The following SDK2 variants were observed in gnomAD, a reference collection of about 807,000 sequenced individuals.
SDK2 encodes the protein protein sidekick-2.
A neutral mutation model predicts 253.9 loss-of-function variants in SDK2; 105 were observed. That is an observed-to-expected ratio of 0.41 (90% CI 0.35 to 0.49). The LOEUF is 0.49. Among genes scored for constraint, SDK2 ranks in the 20% least tolerant of loss-of-function variants. The pLI, the probability that SDK2 is intolerant of heterozygous loss-of-function variation, is 0.06. For synonymous variants in SDK2, 1,249 were observed against 1,234.9 expected (o/e 1.01, Z -0.24); for missense variants, 2,608 against 3,003.0 (o/e 0.87, Z 3.07).
chr17:73,471,486 C>A (rs2063650611), intron 3 of SDK2, among the ~76,000 whole-genome samples: 2 of 152,178 alleles, frequency 1.3e-5, no homozygotes, highest in Admixed American at 1.3e-4. Context: ...GTAATCCCAG[C>A]TACTTGGGAG....
intron 40 of SDK2, chr17:73,357,800 A>G (rs1568364143): frequency 3.7e-6 from 2 of 543,240 alleles, no homozygotes; most frequent in Non-Finnish European, 6.7e-6. Flanking sequence ...CCACGTGCTC[A>G]GGCTTCCGGC....
Position 73,402,093 on chromosome 17 carries a change from C to T in SDK2, c.2533G>A (p.Ala845Thr), listed in dbSNP as rs776130067. Residue 845 changes from alanine (A) to threonine (T), a missense_variant, in exon 19 of 45, where the codon GCC (alanine) becomes ACC (threonine). By Grantham distance (58) the Ala-to-Thr change is moderately conservative (BLOSUM62 0). This residue lies in a region of SDK2 where 1,505 missense variants were observed against 1,859.1 expected (regional missense o/e 0.81). Coordinates refer to ENST00000392650, the MANE Select transcript of SDK2 (RefSeq NM_001144952.2). ...EQEEEVTMVT[A>T]RPNFQDSIHV... ...ATGCTGTCTTGAAAGTTAGGCCGGG[C>T]GGTCACCATGGTAACCTCCTCTTCC... 12 of 1,614,044 alleles carry T rather than the reference C, an allele frequency of 7.4e-6. No homozygotes were observed. The highest frequency in any genetic ancestry group is 5.3e-5 in the African/African-American group (4 of 75,076).
intron 39 of SDK2, among the ~76,000 whole-genome samples, chr17:73,360,657 G>A (rs931465569): frequency 6.6e-6 from 1 of 152,090 alleles, no homozygotes; most frequent in Admixed American, 6.6e-5. Context: ...GACATTTAAA[G>A]GAGGCGATTG....
rs547047673 is a variant in SDK2 at position 73,639,579 on chromosome 17, C to T, written c.64+4446G>A. ...CCAAATTATGATGACTAATTCCCAC[C>T]GCTTTAGGCAGCTCCAGGGCTGTCT... On this transcript the variant is annotated intron_variant, in intron 1 of 44. Transcript: ENST00000392650. The surrounding 1 kb of genome is among the most constrained non-coding windows in gnomAD (Gnocchi z 4.3). Among the ~76,000 whole-genome samples, 7 of 152,254 alleles carry T rather than the reference C, an allele frequency of 4.6e-5. No homozygotes were observed. In the South Asian group the frequency reaches 6.2e-4, roughly 14 times the overall value.
chr17:73,588,533 G>C (rs1361810607), intron 1 of SDK2, among the ~76,000 whole-genome samples: 2 of 151,948 alleles, frequency 1.3e-5, no homozygotes, highest in Non-Finnish European at 2.9e-5. Context: ...AGTGAAGTTT[G>C]AGAACCAGTG....
rs200494672 is a variant in SDK2, at chr17:73,439,554, T to TA, written c.725+1257dup. On this transcript the variant is annotated intron_variant, in intron 6 of 44. Coordinates refer to ENST00000392650, the MANE Select transcript of SDK2 (RefSeq NM_001144952.2). ...TGGGCAACATAGTGAGACCCTGTCT[T>TA]AAAAAAAAAATGCTGCTACAGGACA... 3.1e-3 allele frequency among the ~76,000 whole-genome samples: 460 copies of TA among 149,222 alleles called. 12 individuals are homozygous for TA. In the East Asian group the frequency reaches 0.063, roughly 21 times the overall value.
chr17:73,480,955 C>A (rs1484057425), intron 2 of SDK2, among the ~76,000 whole-genome samples: 1 of 152,220 alleles, frequency 6.6e-6, no homozygotes, highest in East Asian at 1.9e-4. Flanking sequence ...ATTCCCCTCC[C>A]ACATCTTCGG....
chr17:73,361,898 G>A lies in SDK2; in HGVS notation c.5306-53C>T. The A allele has an allele frequency of 6.6e-7, 1 of 1,511,676 alleles. No individual in the cohort carries two copies. The highest frequency in any genetic ancestry group is 8.9e-7 in the Non-Finnish European group (1 of 1,117,768). 93.6% of individuals were successfully genotyped at this position (1,511,676 alleles called of 1,614,324 possible). ...GGGCACAGGGCCCACCGAGGGCACT[G>A]GAGGCCATGGGGAAGGGGAAGCGGC... On this transcript the variant is annotated intron_variant, in intron 38 of 44. Transcript: ENST00000392650. The surrounding 1 kb of genome is among the most constrained non-coding windows in gnomAD (Gnocchi z 4.1).
intron 1 of SDK2, among the ~76,000 whole-genome samples, chr17:73,533,200 G>A (rs1258718296): frequency 6.6e-6 from 1 of 152,202 alleles, no homozygotes; most frequent in Non-Finnish European, 1.5e-5. Context: ...ATGTGTTGGC[G>A]GGATGTGCCA....
Position 73,465,312 on chromosome 17 carries a change from TG to T in SDK2, c.331+6799del, listed in dbSNP as rs1467800193. Among the ~76,000 whole-genome samples, 1 of 54,900 alleles carries T rather than the reference TG, an allele frequency of 1.8e-5. No individual in the cohort carries two copies. The highest frequency in any genetic ancestry group is 4.2e-5 in the Non-Finnish European group (1 of 23,708). The allele number at this position is 54,900 out of a possible 152,430, so 36.0% of individuals were successfully genotyped here. A position where few individuals can be genotyped will look rare whatever the true frequency, so the allele number is the denominator to read the frequency against. Reference sequence around the variant, plus strand: ...GGCGCTCTGCCCTGCTGTGGGTGGGTGGGTGCGTGGGTTTGGTGCTGGAGTG... The same window carrying T: ...GGCGCTCTGCCCTGCTGTGGGTGGGTGGTGCGTGGGTTTGGTGCTGGAGTG... On this transcript the variant is annotated intron_variant, in intron 3 of 44. Transcript: ENST00000392650. The surrounding 1 kb of genome is among the most constrained non-coding windows in gnomAD (Gnocchi z 4.2).
intron 1 of SDK2, among the ~76,000 whole-genome samples, chr17:73,509,188 G>A (rs1039999233): frequency 1.3e-5 from 2 of 152,210 alleles, no homozygotes; most frequent in African/African-American, 4.8e-5. Flanking sequence ...CGGTGGACAA[G>A]CGTTCCTTTA....
Position 73,467,381 on chromosome 17 carries a change from G to A in SDK2, c.331+4731C>T, listed in dbSNP as rs1214969016. Reference sequence around the variant, plus strand: ...CTTAGACAAGGTGTGTCACCCGGCCGAGCCTCGGTTTCCTCATCTGTAACA... The same window carrying A: ...CTTAGACAAGGTGTGTCACCCGGCCAAGCCTCGGTTTCCTCATCTGTAACA... On this transcript the variant is annotated intron_variant, in intron 3 of 44. Transcript: ENST00000392650. This position sits in a 1 kb window ranked among gnomAD's most constrained non-coding sequence, Gnocchi z 4.1. Among the ~76,000 whole-genome samples, 4 of 152,134 alleles carry A rather than the reference G, an allele frequency of 2.6e-5. 1 individual carries two copies. Among genetic ancestry groups the A allele is most frequent in the African/African-American group, 4.8e-5 (2 of 41,420 alleles).
intron 1 of SDK2, among the ~76,000 whole-genome samples, chr17:73,594,365 C>T (rs2145904114): frequency 6.6e-6 from 1 of 152,280 alleles, no homozygotes; most frequent in East Asian, 1.9e-4. Context: ...TCAAGCCCTT[C>T]TCCTGAGTAT....
At chr17:73,583,718 G>C (rs1029891570) in intron 1 of SDK2, among the ~76,000 whole-genome samples, 4 of 109,984 alleles carry the variant, frequency 3.6e-5, no homozygotes, top group African/African-American at 1.7e-4. Flanking sequence ...CAGGCTCAGG[G>C]TGAGCACACG....
At chr17:73,358,309 G>A in intron 39 of SDK2, 105 bp from the exon 40 acceptor site, 1 of 1,412,966 alleles carries the variant, frequency 7.1e-7, no homozygotes, top group Non-Finnish European at 9.5e-7. Flanking sequence ...ACCAACCCTG[G>A]ACAGAGAGCC....
intron 18 of SDK2, among the ~76,000 whole-genome samples, chr17:73,412,096 A>G (rs375161886): frequency 1.2e-4 from 11 of 93,858 alleles, no homozygotes; most frequent in African/African-American, 2.6e-4. Flanking sequence ...ATATATACGT[A>G]TATATGTATA....
At chr17:73,461,856 C>T (rs1006413992) in intron 3 of SDK2, among the ~76,000 whole-genome samples, 5 of 150,222 alleles carry the variant, frequency 3.3e-5, no homozygotes, top group Admixed American at 1.3e-4. Context: ...TATGCCTGTA[C>T]GTTTATATGG....
chr17:73,595,286 G>A (rs996663423), intron 1 of SDK2, among the ~76,000 whole-genome samples: 6 of 152,134 alleles, frequency 3.9e-5, no homozygotes, highest in African/African-American at 7.2e-5. Context: ...GCCCTGTGTC[G>A]GAGAGACAGA....
chr17:73,336,531 A>T lies in SDK2; in HGVS notation c.*2056T>A, dbSNP rs2062379672. The T allele has an allele frequency of 3.3e-5, 5 of 152,566 alleles. No homozygotes were observed. The highest frequency in any genetic ancestry group is 9.7e-5 in the African/African-American group (4 of 41,404). The allele number at this position is 152,566 out of a possible 1,614,324, so 9.5% of individuals were successfully genotyped here. A position where few individuals can be genotyped will look rare whatever the true frequency, so the allele number is the denominator to read the frequency against. ...CATCTTCCAGCATCTCCCCGTTCACATTTCCCAGGGGTCAAGTGCTTCAGG... is the reference window on the plus strand; with the variant it reads ...CATCTTCCAGCATCTCCCCGTTCACTTTTCCCAGGGGTCAAGTGCTTCAGG... On this transcript the variant is annotated 3_prime_UTR_variant, in exon 45 of 45. Coordinates refer to ENST00000392650, the MANE Select transcript of SDK2 (RefSeq NM_001144952.2).
Sources: allele counts gnomAD v4.1 joint callset (sites outside exome capture counted in the v4.1 genomes callset), GRCh38; gene constraint gnomAD v4.1.1; regional missense constraint gnomAD v4.1.1; non-coding constraint Gnocchi (gnomAD v3.1); transcripts MANE v1.5; gene names NCBI Gene and HGNC (gene_info 2026-07-23, HGNC 2026-07-21).